The following SPACA9 variants were observed in gnomAD, a reference collection of about 807,000 sequenced individuals.
SPACA9 encodes sperm acrosome-associated protein 9.
SPACA9 carries 14 observed loss-of-function variants against 12.5 expected under a neutral mutation model. The ratio of observed to expected loss-of-function variants is 1.12; its 90% confidence interval spans 0.74 to 1.75. The LOEUF (loss-of-function observed/expected upper bound fraction) is 1.75. SPACA9 is among the 40% of genes most tolerant of loss of function. The pLI, the probability that SPACA9 is intolerant of heterozygous loss-of-function variation, is 0.00. For synonymous variants in SPACA9, 111 were observed against 114.1 expected, an observed-to-expected ratio of 0.97 and a Z score of 0.17; for missense variants, 292 against 291.9, an observed-to-expected ratio of 1.00 and a Z score of 0.00.
Position 132,887,606 on chromosome 9 carries a change from G to A in SPACA9, c.347+35G>A, listed in dbSNP as rs769731829. 2.5e-6 allele frequency: 4 copies of A among 1,575,630 alleles called. No individual in the cohort carries two copies. Among genetic ancestry groups the A allele is most frequent in the East Asian group, 2.2e-5 (1 of 44,748 alleles). On this transcript the variant is annotated intron_variant, in intron 3 of 3. Transcript: ENST00000356311. This position sits in a 1 kb window ranked among gnomAD's most constrained non-coding sequence, Gnocchi z 5.4. ...TCTGATGCTGCTCTTGAGGCCCCGTGTGTGCCTGTGGGGAGGCCTCTGTCC... is the reference window on the plus strand; with the variant it reads ...TCTGATGCTGCTCTTGAGGCCCCGTATGTGCCTGTGGGGAGGCCTCTGTCC...
Position 132,882,943 on chromosome 9 carries a change from T to C in SPACA9, c.-37-968T>C, listed in dbSNP as rs1038438161. On this transcript the variant is annotated intron_variant, in intron 1 of 3. Transcript: ENST00000356311. ...CAAAACCTTTCCCTCTGAGCCTCACTTTCCCCATAGCAGCTCAAGGGAGCT... is the reference window on the plus strand; with the variant it reads ...CAAAACCTTTCCCTCTGAGCCTCACCTTCCCCATAGCAGCTCAAGGGAGCT... 4.0e-4 allele frequency among the ~76,000 whole-genome samples: 61 copies of C among 152,188 alleles called. 1 individual carries two copies. Among genetic ancestry groups the C allele is most frequent in the Non-Finnish European group, 1.5e-4 (10 of 68,034 alleles).
At chr9:132,885,585 C>T (rs1844544093) in intron 2 of SPACA9, among the ~76,000 whole-genome samples, 1 of 151,930 alleles carries the variant, frequency 6.6e-6, no homozygotes, top group Non-Finnish European at 1.5e-5. Flanking sequence ...CCAGATTCAC[C>T]GACTTGTGAC....
At chr9:132,881,220 G>A (rs550939359) in intron 1 of SPACA9, among the ~76,000 whole-genome samples, 1 of 141,406 alleles carries the variant, frequency 7.1e-6, no homozygotes, top group Non-Finnish European at 1.5e-5. Flanking sequence ...GAGCCCAGGA[G>A]TTCGAGACCA....
At chr9:132,879,233 AT>A (rs1228418266) in intron 1 of SPACA9, among the ~76,000 whole-genome samples, 2 of 152,184 alleles carry the variant, frequency 1.3e-5, no homozygotes, top group Non-Finnish European at 2.9e-5. Context: ...TTGATATTTT[AT>A]TAGTCGCAAC....
At position 132,888,151 on chromosome 9, in the gene SPACA9, C is replaced by T. The variant is rs2131495901; in HGVS notation, c.348-139C>T. 2.9e-6 allele frequency: 4 copies of T among 1,380,424 alleles called. No individual in the cohort carries two copies. Among genetic ancestry groups the T allele is most frequent in the Non-Finnish European group, 3.9e-6 (4 of 1,036,310 alleles). 85.5% of individuals were successfully genotyped at this position (1,380,424 alleles called of 1,614,324 possible). ...CCTGGTCTGCCAGAATCTCTGGGGA[C>T]AGAGCGCCTCAGCGTGCTGTGTGTC... On this transcript the variant is annotated intron_variant, in intron 3 of 3. Coordinates refer to ENST00000356311, the MANE Select transcript of SPACA9 (RefSeq NM_001316897.2). This position sits in a 1 kb window ranked among gnomAD's most constrained non-coding sequence, Gnocchi z 5.0.
rs1007142671 is a variant in SPACA9 at position 132,887,764 on chromosome 9, C to T, written c.347+193C>T. ...TTCTTTACAACCATCGTAGACATGG[C>T]AGGACACCAGGTGTCTCACGGGTGT... On this transcript the variant is annotated intron_variant, in intron 3 of 3. Transcript: ENST00000356311. This position sits in a 1 kb window ranked among gnomAD's most constrained non-coding sequence, Gnocchi z 5.4. Among the ~76,000 whole-genome samples the T allele has an allele frequency of 6.6e-6, 1 of 152,152 alleles. No homozygotes were observed. Among genetic ancestry groups the T allele is most frequent in the African/African-American group, 2.4e-5 (1 of 41,408 alleles).
chr9:132,885,385 C>T (rs1462568183), intron 2 of SPACA9, among the ~76,000 whole-genome samples: 4 of 151,594 alleles, frequency 2.6e-5, no homozygotes, highest in Non-Finnish European at 4.4e-5. Context: ...TGGTGGTACG[C>T]GCCTGTAGTC....
At position 132,887,634 on chromosome 9, in the gene SPACA9, C is replaced by T. The variant is rs981213159; in HGVS notation, c.347+63C>T. 5 of 1,426,124 alleles carry T rather than the reference C, an allele frequency of 3.5e-6. No homozygotes were observed. The African/African-American group carries it at 7.0e-5, about 20-fold the overall frequency. The allele number at this position is 1,426,124 out of a possible 1,614,324, so 88.3% of individuals were successfully genotyped here. A position where few individuals can be genotyped will look rare whatever the true frequency, so the allele number is the denominator to read the frequency against. ...TGCCTGTGGGGAGGCCTCTGTCCTG[C>T]TTCTTTCCTGTTGCCTGGATCATGG... On this transcript the variant is annotated intron_variant, in intron 3 of 3. Coordinates refer to ENST00000356311, the MANE Select transcript of SPACA9 (RefSeq NM_001316897.2). This position sits in a 1 kb window ranked among gnomAD's most constrained non-coding sequence, Gnocchi z 5.4.
At position 132,888,665 on chromosome 9, in the gene SPACA9, A is replaced by T; in HGVS notation, c.*54A>T. 6.8e-7 allele frequency: 1 copy of T among 1,474,302 alleles called. No homozygotes were observed. The allele number at this position is 1,474,302 out of a possible 1,614,324, so 91.3% of individuals were successfully genotyped here. A position where few individuals can be genotyped will look rare whatever the true frequency, so the allele number is the denominator to read the frequency against. On this transcript the variant is annotated 3_prime_UTR_variant, in exon 4 of 4. Coordinates refer to ENST00000356311, the MANE Select transcript of SPACA9 (RefSeq NM_001316897.2). The surrounding 1 kb of genome is among the most constrained non-coding windows in gnomAD (Gnocchi z 5.0). ...AGCTTTGCTGTTTAATTTGGATTTTACTGGTTGGTCCTTTTTTCACTGGTA... is the reference window on the plus strand; with the variant it reads ...AGCTTTGCTGTTTAATTTGGATTTTTCTGGTTGGTCCTTTTTTCACTGGTA...
rs1262545266 is a variant in SPACA9 at position 132,888,527 on chromosome 9, C to G, written c.585C>G (p.His195Gln). 3.2e-6 allele frequency: 5 copies of G among 1,568,174 alleles called. No individual in the cohort carries two copies. The highest frequency in any genetic ancestry group is 2.7e-5 in the African/African-American group (2 of 73,498). ...AIGTQPRATK[H>Q]KCRQLTKASL... ...GGACCCAGCCCAGGGCCACTAAACA[C>G]AAGTGTAGACAGCTCACAAAAGCCA... is the stretch of plus-strand genomic sequence containing the variant. Residue 195 changes from histidine (H) to glutamine (Q), a missense_variant, in exon 4 of 4, where the codon CAC becomes CAG. Transcript: ENST00000356311. The surrounding 1 kb of genome is among the most constrained non-coding windows in gnomAD (Gnocchi z 5.0).
At chr9:132,883,767 C>T (rs960366992) in intron 1 of SPACA9, 144 bp from the exon 2 acceptor site, 21 of 599,574 alleles carry the variant, frequency 3.5e-5, no homozygotes, top group Non-Finnish European at 5.8e-5. Context: ...CCCAGGGCCT[C>T]GCTTTCTTCT....
upstream of SPACA9, chr9:132,878,513 A>G: frequency 8.4e-7 from 1 of 1,195,364 alleles, no homozygotes. This position sits in a 1 kb window ranked among gnomAD's most constrained non-coding sequence, Gnocchi z 4.7. Context: ...GGTGGCTTCC[A>G]GCTGGGCCTC....
In SPACA9 at chr9:132,888,806, C is replaced by T. The variant is rs1364674120; in HGVS notation, c.*195C>T. ...TTTTTGAGACGGAGTCTCGCTCTGT[C>T]GCCCAGGCTGGAGTGCGGTGGCGCA... On this transcript the variant is annotated 3_prime_UTR_variant, in exon 4 of 4. Transcript: ENST00000356311. This position sits in a 1 kb window ranked among gnomAD's most constrained non-coding sequence, Gnocchi z 5.0. The T allele has an allele frequency of 1.6e-5, 21 of 1,320,666 alleles. No individual in the cohort carries two copies. Among genetic ancestry groups the T allele is most frequent in the African/African-American group, 5.9e-5 (4 of 67,480 alleles). The allele number at this position is 1,320,666 out of a possible 1,614,324, so 81.8% of individuals were successfully genotyped here. A position where few individuals can be genotyped will look rare whatever the true frequency, so the allele number is the denominator to read the frequency against.
chr9:132,879,148 G>A (rs1412269065), intron 1 of SPACA9, 134 bp downstream of exon 1: 1 of 152,290 alleles, frequency 6.6e-6, no homozygotes, highest in East Asian at 1.9e-4. Flanking sequence ...CTGTCTCGGG[G>A]TGGGGGCGAG....
rs767728770 is a variant in SPACA9, at chr9:132,888,362, C to T, written c.420C>T (p.Leu140=). Residue 140 remains leucine (L), a synonymous_variant, in exon 4 of 4, where the codon CTC becomes CTT. Transcript: ENST00000356311. This position sits in a 1 kb window ranked among gnomAD's most constrained non-coding sequence, Gnocchi z 5.0. ...ARNHYGGVVS[L]IPLILDLMKE... ...ACCACTACGGCGGCGTGGTCAGCCT[C>T]ATCCCCCTCATCCTAGACTTAATGA... 1 of 1,614,154 alleles carries T rather than the reference C, an allele frequency of 6.2e-7. No homozygotes were observed. The highest frequency in any genetic ancestry group is 1.7e-5 in the Admixed American group (1 of 60,022).
At chr9:132,881,858 G>A (rs7871335) in intron 1 of SPACA9, among the ~76,000 whole-genome samples, 26 of 152,140 alleles carry the variant, frequency 1.7e-4, no homozygotes, top group Non-Finnish European at 2.8e-4. Flanking sequence ...GTTTTTTGGC[G>A]CCTCCTTAAG....
chr9:132,880,979 T>C (rs1844407754), intron 1 of SPACA9, among the ~76,000 whole-genome samples: 2 of 151,894 alleles, frequency 1.3e-5, no homozygotes, highest in African/African-American at 2.4e-5. Context: ...CCCGCCACCG[T>C]GCCCGGCTAA....
intron 1 of SPACA9, among the ~76,000 whole-genome samples, chr9:132,881,272 G>GAAAAAAAAAAAAA (rs776094730): frequency 6.2e-5 from 5 of 80,044 alleles, no homozygotes; most frequent in African/African-American, 1.8e-4. Flanking sequence ...CAAAAAAAAA[G>GAAAAAAAAAAAAA]AAAAAAAAAA....
At chr9:132,879,801 A>T (rs2131473132) in intron 1 of SPACA9, among the ~76,000 whole-genome samples, 1 of 152,344 alleles carries the variant, frequency 6.6e-6, no homozygotes, top group East Asian at 1.9e-4. Context: ...CAGATGGATA[A>T]ACTGAGGCCC....
Sources: allele counts gnomAD v4.1 joint callset (sites outside exome capture counted in the v4.1 genomes callset), GRCh38; gene constraint gnomAD v4.1.1; non-coding constraint Gnocchi (gnomAD v3.1); transcripts MANE v1.5; gene names NCBI Gene and HGNC (gene_info 2026-07-23, HGNC 2026-07-21).